The following CRY1 variants were observed in gnomAD, a reference collection of about 807,000 sequenced individuals.
The protein encoded by CRY1 is cryptochrome-1.
A neutral mutation model predicts 76.0 loss-of-function variants in CRY1; 45 were observed. That is an observed-to-expected ratio of 0.59 (90% CI 0.47 to 0.76). The LOEUF (loss-of-function observed/expected upper bound fraction) is 0.76. CRY1 is among the 30% of genes least tolerant of loss of function. The pLI, the probability that CRY1 is intolerant of heterozygous loss-of-function variation, is 0.00. For synonymous variants in CRY1, 248 were observed against 244.0 expected (o/e 1.02, Z -0.15); for missense variants, 587 against 716.4 (o/e 0.82, Z 2.06).
intron 1 of CRY1, among the ~76,000 whole-genome samples, chr12:107,052,885 T>G (rs1952939444): frequency 6.6e-6 from 1 of 152,246 alleles, no homozygotes; most frequent in Non-Finnish European, 1.5e-5. Flanking sequence ...TGGTAAGGGC[T>G]CTGCCTTTTA....
chr12:107,035,594 T>C (rs1952725086), intron 1 of CRY1, among the ~76,000 whole-genome samples: 1 of 152,198 alleles, frequency 6.6e-6, no homozygotes, highest in Non-Finnish European at 1.5e-5. Flanking sequence ...GGTTAAGTAA[T>C]TTTCCCAAGG....
chr12:107,006,901 C>G (rs1270172310), intron 2 of CRY1, among the ~76,000 whole-genome samples: 1 of 152,156 alleles, frequency 6.6e-6, no homozygotes, highest in East Asian at 1.9e-4. Flanking sequence ...ACCTCGGCCT[C>G]CCAAAGTGCT....
At chr12:107,046,076 G>T (rs370286735) in intron 1 of CRY1, among the ~76,000 whole-genome samples, 2 of 150,858 alleles carry the variant, frequency 1.3e-5, no homozygotes, top group Non-Finnish European at 2.9e-5. Context: ...GCAGTGAGCC[G>T]AGATTGCACC....
Position 107,014,887 on chromosome 12 carries a change from C to CT in CRY1, c.267+7196dup, listed in dbSNP as rs889138403. On this transcript the variant is annotated intron_variant, in intron 2 of 12. Transcript: ENST00000008527. ...ATATATATTTTGTGTGTTTTTGTTT[C>CT]TTTTTTTTTAGACAGAGTCACACTC... 4.0e-5 allele frequency among the ~76,000 whole-genome samples: 6 copies of CT among 150,908 alleles called. No homozygotes were observed. In the East Asian group the frequency reaches 5.8e-4, roughly 15 times the overall value.
At chr12:107,026,177 C>CAT (rs957628269) in intron 1 of CRY1, among the ~76,000 whole-genome samples, 787 of 22,672 alleles carry the variant, frequency 0.035, 37 homozygotes, top group African/African-American at 0.16. Flanking sequence ...ATATATATTA[C>CAT]ATATATATAT....
chr12:107,016,295 G>A (rs902735039), intron 2 of CRY1, among the ~76,000 whole-genome samples: 1 of 152,142 alleles, frequency 6.6e-6, no homozygotes, highest in African/African-American at 2.4e-5. Flanking sequence ...GGGTGACAAA[G>A]TGAGACTTGG....
intron 1 of CRY1, among the ~76,000 whole-genome samples, chr12:107,066,469 T>TG (rs1953112549): frequency 6.6e-6 from 1 of 152,132 alleles, no homozygotes; most frequent in South Asian, 2.1e-4. Flanking sequence ...TTTTGTTTTT[T>TG]TTTTAAGACA....
intron 1 of CRY1, among the ~76,000 whole-genome samples, chr12:107,058,382 G>C (rs905105456): frequency 6.6e-6 from 1 of 152,062 alleles, no homozygotes. Context: ...AAACCTCTTG[G>C]CAAGAGTAAC....
chr12:107,054,385 A>T (rs1427713344), intron 1 of CRY1, among the ~76,000 whole-genome samples: 2 of 151,672 alleles, frequency 1.3e-5, no homozygotes, highest in Non-Finnish European at 2.9e-5. Flanking sequence ...AAATTTATTA[A>T]GTCTGATAAA....
chr12:107,065,122 C>G (rs542083305), intron 1 of CRY1, among the ~76,000 whole-genome samples: 1 of 152,052 alleles, frequency 6.6e-6, no homozygotes. Flanking sequence ...ATGGTGAAAC[C>G]CCATCTCTAC....
At chr12:107,075,655 C>T (rs536122339) in intron 1 of CRY1, among the ~76,000 whole-genome samples, 2 of 152,228 alleles carry the variant, frequency 1.3e-5, no homozygotes, top group Admixed American at 1.3e-4. Flanking sequence ...CCCTGTGCCA[C>T]GTATTGAGCC....
At chr12:107,075,608 T>C (rs1282504802) in intron 1 of CRY1, among the ~76,000 whole-genome samples, 2 of 152,142 alleles carry the variant, frequency 1.3e-5, no homozygotes, top group African/African-American at 2.4e-5. Context: ...ACAATACTCA[T>C]TTATACATTC....
At chr12:106,993,208 C>T (rs889977186) in intron 10 of CRY1, among the ~76,000 whole-genome samples, 172 bp from the exon 11 acceptor site, 24 of 151,978 alleles carry the variant, frequency 1.6e-4, no homozygotes, top group African/African-American at 5.8e-4. Flanking sequence ...ACCAGGAAAA[C>T]TTAAATTTAG....
chr12:107,055,634 T>C (rs11113176), intron 1 of CRY1, among the ~76,000 whole-genome samples: 1,913 of 152,078 alleles, frequency 0.013, 34 homozygotes, highest in African/African-American at 0.039. Context: ...ATAAAGTTGG[T>C]TGTCTGAAAA....
intron 1 of CRY1, among the ~76,000 whole-genome samples, chr12:107,034,884 T>C (rs1020263587): frequency 3.3e-5 from 5 of 152,222 alleles, no homozygotes; most frequent in Admixed American, 2.6e-4. Flanking sequence ...TAGACTAATA[T>C]AATCCTTGTA....
At chr12:107,025,247 C>T (rs2136849007) in intron 1 of CRY1, among the ~76,000 whole-genome samples, 1 of 152,232 alleles carries the variant, frequency 6.6e-6, no homozygotes, top group Non-Finnish European at 1.5e-5. Context: ...GCATACATTC[C>T]TTCAAAGTAG....
At chr12:107,083,826 T>A (rs571905898) in intron 1 of CRY1, among the ~76,000 whole-genome samples, 1 of 152,304 alleles carries the variant, frequency 6.6e-6, no homozygotes, top group East Asian at 1.9e-4. Flanking sequence ...AACATAGTAT[T>A]GGAAATTCTG....
chr12:107,083,550 T>C (rs1254711703), intron 1 of CRY1, among the ~76,000 whole-genome samples: 2 of 152,172 alleles, frequency 1.3e-5, no homozygotes, highest in African/African-American at 4.8e-5. Flanking sequence ...TGCAAATCAA[T>C]AAATGTAATC....
At chr12:107,061,486 TCTC>T (rs1953046292) in intron 1 of CRY1, among the ~76,000 whole-genome samples, 1 of 151,828 alleles carries the variant, frequency 6.6e-6, no homozygotes, top group African/African-American at 2.4e-5. Flanking sequence ...TTCAAGCAAT[TCTC>T]CTGCCTCAGC....
Sources: allele counts gnomAD v4.1 joint callset (sites outside exome capture counted in the v4.1 genomes callset), GRCh38; gene constraint gnomAD v4.1.1; transcripts MANE v1.5; gene names NCBI Gene and HGNC (gene_info 2026-07-23, HGNC 2026-07-21).